The following RAPGEF4 variants were observed in gnomAD, a reference collection of about 807,000 sequenced individuals.
RAPGEF4 encodes Rap guanine nucleotide exchange factor 4, also known as RAP guanine-nucleotide-exchange factor (GEF) 4.
In RAPGEF4, 66 loss-of-function variants were observed where a neutral mutation model predicts 147.9. The ratio of observed to expected loss-of-function variants is 0.45; its 90% CI spans 0.37 to 0.55. The LOEUF is 0.55. Ranked by LOEUF, RAPGEF4 falls within the 20% of genes least tolerant of loss-of-function variation. The pLI, the probability that RAPGEF4 is intolerant of heterozygous loss-of-function variation, is 0.00. For synonymous variants in RAPGEF4, 419 were observed against 442.7 expected (o/e 0.95, Z 0.67); for missense variants, 1,071 against 1,257.3 (o/e 0.85, Z 2.24).
At chr2:173,027,284 G>GA (rs200115209) in intron 25 of RAPGEF4, 25 bp downstream of exon 25, 1,194 of 1,501,186 alleles carry the variant, frequency 8.0e-4, no homozygotes, top group East Asian at 1.3e-3. Context: ...CTTGGAAAGA[G>GA]AAAAAAAAAT....
chr2:173,028,397 C>T (rs768059572), intron 25 of RAPGEF4, among the ~76,000 whole-genome samples: 1 of 152,204 alleles, frequency 6.6e-6, no homozygotes, highest in Non-Finnish European at 1.5e-5. Context: ...AGAAGAAGCA[C>T]ACTCTCTCTC....
intron 15 of RAPGEF4, among the ~76,000 whole-genome samples, chr2:172,995,176 A>G (rs2105763295): frequency 6.6e-6 from 1 of 152,298 alleles, no homozygotes; most frequent in South Asian, 2.1e-4. Flanking sequence ...CAAGGAAACC[A>G]GAGCTGAATT....
At chr2:173,019,736 C>T (rs887767633) in intron 22 of RAPGEF4, among the ~76,000 whole-genome samples, 3 of 152,216 alleles carry the variant, frequency 2.0e-5, no homozygotes, top group Non-Finnish European at 4.4e-5. Context: ...GACCCCTTGT[C>T]ACCTTCCCAT....
chr2:172,873,598 T>C (rs1458282121), intron 4 of RAPGEF4, among the ~76,000 whole-genome samples: 1 of 152,098 alleles, frequency 6.6e-6, no homozygotes, highest in Non-Finnish European at 1.5e-5. Context: ...GTTGTTGCCG[T>C]TGACTTTAAA....
At chr2:172,857,584 C>A (rs1450112979) in intron 4 of RAPGEF4, among the ~76,000 whole-genome samples, 1 of 152,114 alleles carries the variant, frequency 6.6e-6, no homozygotes, top group Non-Finnish European at 1.5e-5. Context: ...CTTGGGCCAT[C>A]TTACATAGAA....
At chr2:172,865,156 A>G (rs1186404061) in intron 4 of RAPGEF4, among the ~76,000 whole-genome samples, 1 of 152,134 alleles carries the variant, frequency 6.6e-6, no homozygotes, top group Non-Finnish European at 1.5e-5. Flanking sequence ...CATCGCCGCC[A>G]ACCTCACTGG....
chr2:172,859,140 C>T (rs1355181390), intron 4 of RAPGEF4, among the ~76,000 whole-genome samples: 4 of 152,064 alleles, frequency 2.6e-5, no homozygotes, highest in African/African-American at 9.7e-5. Context: ...TGAAAATGAT[C>T]ATGTATTCCC....
intron 4 of RAPGEF4, among the ~76,000 whole-genome samples, chr2:172,899,653 C>T (rs1005983933): frequency 3.9e-5 from 6 of 152,024 alleles, no homozygotes; most frequent in Admixed American, 6.6e-5. Context: ...GCATTGAGGC[C>T]AGGATGATCC....
chr2:172,876,827 C>G (rs1003635002), intron 4 of RAPGEF4, among the ~76,000 whole-genome samples: 5 of 152,154 alleles, frequency 3.3e-5, no homozygotes, highest in East Asian at 1.9e-4. Flanking sequence ...AGGAATGGTA[C>G]CAGCTCCTCC....
At chr2:172,902,626 C>T (rs1380865597) in intron 4 of RAPGEF4, among the ~76,000 whole-genome samples, 1 of 152,196 alleles carries the variant, frequency 6.6e-6, no homozygotes, top group Non-Finnish European at 1.5e-5. Context: ...CTCTTCCACA[C>T]TATTTTGCAG....
intron 6 of RAPGEF4, among the ~76,000 whole-genome samples, chr2:172,943,033 T>G (rs1313525018): frequency 1.3e-5 from 2 of 152,016 alleles, no homozygotes; most frequent in African/African-American, 4.8e-5. Context: ...GGAAGGTACA[T>G]TTTGGTGTGG....
At chr2:173,043,087 CTG>C (rs925751081) in intron 29 of RAPGEF4, among the ~76,000 whole-genome samples, 66 of 152,168 alleles carry the variant, frequency 4.3e-4, no homozygotes, top group African/African-American at 1.3e-3. Flanking sequence ...AGGTGAGACA[CTG>C]TGTATTTCTG....
chr2:172,921,489 T>A (rs560643438), intron 5 of RAPGEF4, among the ~76,000 whole-genome samples: 1 of 152,334 alleles, frequency 6.6e-6, no homozygotes, highest in East Asian at 1.9e-4. Flanking sequence ...TGTATTTTTT[T>A]GTTGCAAACC....
rs568187660 is a variant in RAPGEF4, at chr2:173,015,482, A to AT, written c.1810-866dup. Among the ~76,000 whole-genome samples the AT allele has an allele frequency of 1.1e-4, 16 of 152,324 alleles. 1 individual carries two copies. The highest frequency in any genetic ancestry group is 2.9e-4 in the African/African-American group (12 of 41,582). On this transcript the variant is annotated intron_variant, in intron 18 of 30. Coordinates refer to ENST00000397081, the MANE Select transcript of RAPGEF4 (RefSeq NM_007023.4). The stretch of plus-strand genomic sequence containing the variant: ...CATACACCGTCTCTCCTTTCTATTC[A>AT]TATCATTTCACAGCCAGAGGTGCGA...
chr2:172,974,697 A>G (rs72896055), intron 10 of RAPGEF4, among the ~76,000 whole-genome samples: 5,933 of 152,236 alleles, frequency 0.039, 167 homozygotes, highest in South Asian at 0.067. Flanking sequence ...AAATAAAATT[A>G]TTATTACAGA....
chr2:172,960,882 A>T (rs1432754402), intron 7 of RAPGEF4, 69 bp downstream of exon 7: 1 of 1,269,644 alleles, frequency 7.9e-7, no homozygotes, highest in Non-Finnish European at 1.1e-6. Flanking sequence ...GGTGGTCCAT[A>T]TGTCAGGGGA....
At chr2:172,889,842 T>C in intron 4 of RAPGEF4, 1 of 979,992 alleles carries the variant, frequency 1.0e-6, no homozygotes, top group Non-Finnish European at 1.2e-6. Context: ...TGGCTTCTCT[T>C]AGCAGATTTT....
chr2:172,925,925 AAG>A (rs941143423), intron 6 of RAPGEF4, among the ~76,000 whole-genome samples: 11 of 140,336 alleles, frequency 7.8e-5, no homozygotes, highest in African/African-American at 2.9e-4. Flanking sequence ...AAGAGTAAAA[AAG>A]AAAGAGGAGG....
intron 4 of RAPGEF4, among the ~76,000 whole-genome samples, chr2:172,906,325 G>A (rs1026524159): frequency 6.6e-6 from 1 of 152,124 alleles, no homozygotes; most frequent in Non-Finnish European, 1.5e-5. Flanking sequence ...CACATCCCCA[G>A]AACAGTCCTG....
Sources: allele counts gnomAD v4.1 joint callset (sites outside exome capture counted in the v4.1 genomes callset), GRCh38; gene constraint gnomAD v4.1.1; transcripts MANE v1.5; gene names NCBI Gene and HGNC (gene_info 2026-07-23, HGNC 2026-07-21).